DNAH2: variants seen among roughly 807,000 people sequenced by gnomAD.
The protein encoded by DNAH2 is dynein axonemal heavy chain 2.
In DNAH2, 323 loss-of-function variants were observed where a neutral mutation model predicts 523.5. The observed-to-expected ratio is 0.62, with a 90% CI of 0.56 to 0.68. The LOEUF (loss-of-function observed/expected upper bound fraction) is 0.68. DNAH2 is among the 30% of genes least tolerant of loss of function. DNAH2 has a pLI of 0.00. For missense variants in DNAH2, 4,907 were observed against 5,701.5 expected, an observed-to-expected ratio of 0.86 and a Z score of 4.49; for synonymous variants, 2,093 against 2,177.4, an observed-to-expected ratio of 0.96 and a Z score of 1.08.
At position 7,740,962 on chromosome 17, in the gene DNAH2, C is replaced by A; in HGVS notation, c.1659C>A (p.Ile553=). 3 of 1,606,744 alleles carry A rather than the reference C, an allele frequency of 1.9e-6. No individual in the cohort carries two copies. The highest frequency in any genetic ancestry group is 1.7e-4 in the Middle Eastern group (1 of 5,804). The change falls in exon 11 of 86, where the codon ATC becomes ATA. Residue 553 remains isoleucine (I), a synonymous_variant. Transcript: ENST00000572933. The part of the protein sequence containing the change: ...QYSGKARWVH[I]LRRRIDRVMT... ...CCGGAAAGGCGCGCTGGGTGCACATCCTCCGGCGTCGCATCGACAGAGTCA... is the reference window on the plus strand; with the variant it reads ...CCGGAAAGGCGCGCTGGGTGCACATACTCCGGCGTCGCATCGACAGAGTCA...
intron 72 of DNAH2, among the ~76,000 whole-genome samples, chr17:7,819,977 A>G (rs1444636301): frequency 6.6e-6 from 1 of 152,062 alleles, no homozygotes; most frequent in Admixed American, 6.6e-5. Flanking sequence ...TTTATTTTTT[A>G]TAATTTTTAT....
chr17:7,760,242 C>T lies in DNAH2; in HGVS notation c.2785+304C>T, dbSNP rs556555194. Among the ~76,000 whole-genome samples, 2 of 152,214 alleles carry T rather than the reference C, an allele frequency of 1.3e-5. No individual in the cohort carries two copies. Among genetic ancestry groups the T allele is most frequent in the East Asian group, 3.9e-4 (2 of 5,180 alleles). On this transcript the variant is annotated intron_variant, in intron 17 of 85. Transcript: ENST00000572933. The surrounding 1 kb of genome is among the most constrained non-coding windows in gnomAD (Gnocchi z 4.0). ...AATTAGCCAGGCATGGTGGCGGGTG[C>T]CTATAATCCCAACTACTCAGGAGGC...
At chr17:7,791,455 GT>G (rs2076895123) in intron 44 of DNAH2, among the ~76,000 whole-genome samples, 1 of 152,116 alleles carries the variant, frequency 6.6e-6, no homozygotes, top group Non-Finnish European at 1.5e-5. Context: ...TTTGAGTTCT[GT>G]ATTACTACAC....
At chr17:7,762,808 C>T (rs1428202715) in intron 18 of DNAH2, among the ~76,000 whole-genome samples, 1 of 151,922 alleles carries the variant, frequency 6.6e-6, no homozygotes, top group African/African-American at 2.4e-5. Context: ...GCTGTAGCAG[C>T]CAAGTGAATT....
In DNAH2 at chr17:7,734,475, A is replaced by G. The variant is rs753063065; in HGVS notation, c.745A>G (p.Met249Val). 9 of 1,613,834 alleles carry G rather than the reference A, an allele frequency of 5.6e-6. No individual in the cohort carries two copies. The highest frequency in any genetic ancestry group is 3.3e-5 in the South Asian group (3 of 91,062). Residue 249 changes from methionine (M) to valine (V), a missense_variant, in exon 7 of 86, where the codon ATG (methionine) becomes GTG (valine). By Grantham distance (21) the Met-to-Val change is conservative. Around this residue, in one of 3 missense-constraint regions of DNAH2, gnomAD observed 2,806 missense variants for 3,190.8 expected, o/e 0.88. Transcript: ENST00000572933. The part of the protein sequence containing the change: ...KELVQRLETS[M>V]IHWTRQIKEM... ...TTTTGTACTCTCCCCTGCAGCCTCC[A>G]TGATCCACTGGACCCGGCAGATAAA... is the stretch of plus-strand genomic sequence containing the variant.
At chr17:7,806,745 A>T (rs1018221670) in intron 61 of DNAH2, among the ~76,000 whole-genome samples, 1 of 151,718 alleles carries the variant, frequency 6.6e-6, no homozygotes, top group African/African-American at 2.4e-5. Flanking sequence ...GAGGGGAACA[A>T]GAATCAGAAA....
At chr17:7,829,758 C>T (rs2078116424) in intron 77 of DNAH2, among the ~76,000 whole-genome samples, 1 of 151,898 alleles carries the variant, frequency 6.6e-6, no homozygotes, top group South Asian at 2.1e-4. Context: ...GGTGCGGTGG[C>T]TCACACCTGT....
rs2077868319 is a variant in DNAH2, at chr17:7,822,000, C to T, written c.11142+631C>T. On this transcript the variant is annotated intron_variant, in intron 73 of 85. Coordinates refer to ENST00000572933, the MANE Select transcript of DNAH2 (RefSeq NM_020877.5). This position sits in a 1 kb window ranked among gnomAD's most constrained non-coding sequence, Gnocchi z 5.0. ...ACACAGCAACCAGAGAGGTCCCACTCTGTCACTCACTGTGGCTGGACCGCA... is the reference window on the plus strand; with the variant it reads ...ACACAGCAACCAGAGAGGTCCCACTTTGTCACTCACTGTGGCTGGACCGCA... 6.6e-6 allele frequency among the ~76,000 whole-genome samples: 1 copy of T among 152,140 alleles called. No individual in the cohort carries two copies. Among genetic ancestry groups the T allele is most frequent in the African/African-American group, 2.4e-5 (1 of 41,442 alleles).
chr17:7,816,329 G>C (rs947756953), intron 63 of DNAH2, among the ~76,000 whole-genome samples: 11 of 152,148 alleles, frequency 7.2e-5, no homozygotes, highest in Admixed American at 4.6e-4. Context: ...CTGGGCTCTA[G>C]GAAAGGGTGG....
intron 12 of DNAH2, among the ~76,000 whole-genome samples, chr17:7,749,308 C>A (rs1391797902): frequency 0.053 from 947 of 17,736 alleles, 306 homozygotes; most frequent in South Asian, 0.12. Context: ...AACTCCCCCC[C>A]AAAAAAAAAA....
At chr17:7,804,552 A>C in intron 59 of DNAH2, 86 bp downstream of exon 59, 2 of 1,477,296 alleles carry the variant, frequency 1.4e-6, no homozygotes, top group Non-Finnish European at 1.8e-6. Context: ...CCCTTCTTAA[A>C]TTTTCTTTAG....
chr17:7,799,822 T>TAC (rs143959847), intron 56 of DNAH2, among the ~76,000 whole-genome samples: 192 of 150,508 alleles, frequency 1.3e-3, no homozygotes, highest in African/African-American at 2.7e-3. Flanking sequence ...TGTCTCAAAA[T>TAC]ACACACACAC....
rs2075786001 is a variant in DNAH2 at position 7,754,668 on chromosome 17, C to T, written c.1905-2423C>T. 2.3e-5 allele frequency: 30 copies of T among 1,330,406 alleles called. No homozygotes were observed. Among genetic ancestry groups the T allele is most frequent in the Non-Finnish European group, 3.1e-5 (29 of 939,620 alleles). 82.4% of individuals were successfully genotyped at this position (1,330,406 alleles called of 1,614,324 possible). A position where few individuals can be genotyped will look rare whatever the true frequency, so the allele number is the denominator to read the frequency against. On this transcript the variant is annotated intron_variant, in intron 12 of 85. Coordinates refer to ENST00000572933, the MANE Select transcript of DNAH2 (RefSeq NM_020877.5). The surrounding 1 kb of genome is among the most constrained non-coding windows in gnomAD (Gnocchi z 4.6). ...AAAGGGTGTCAGCCATAAACTTGAT[C>T]GACTTGCCTACATTGCCCACCCCAA...
intron 18 of DNAH2, among the ~76,000 whole-genome samples, chr17:7,762,629 C>T (rs371161932): frequency 4.6e-5 from 7 of 152,122 alleles, no homozygotes; most frequent in East Asian, 1.9e-4. Context: ...CCACCAAGCC[C>T]GGCCGACTTT....
At chr17:7,740,347 G>T in intron 9 of DNAH2, 73 bp from the exon 10 acceptor site, 1 of 1,592,914 alleles carries the variant, frequency 6.3e-7, no homozygotes, top group South Asian at 1.2e-5. Context: ...CAATGCATGG[G>T]ATTCTTCCTC....
At chr17:7,733,367 A>G (rs780299896) in intron 5 of DNAH2, 52 bp downstream of exon 5, 18 of 1,576,278 alleles carry the variant, frequency 1.1e-5, no homozygotes, top group Non-Finnish European at 1.4e-5. Flanking sequence ...CCCCAACTGT[A>G]CAACTAGTGA....
Position 7,759,053 on chromosome 17 carries a change from A to G in DNAH2, c.2377A>G (p.Met793Val), listed in dbSNP as rs756572022. The G allele has an allele frequency of 6.2e-7, 1 of 1,614,182 alleles. No individual in the cohort carries two copies. Among genetic ancestry groups the G allele is most frequent in the South Asian group, 1.1e-5 (1 of 91,086 alleles). Residue 793 changes from methionine (M) to valine (V), a missense_variant, in exon 15 of 86, where the codon ATG becomes GTG. Coordinates refer to ENST00000572933, the MANE Select transcript of DNAH2 (RefSeq NM_020877.5). ...TCGGGCAGCTGTACAGCAGAAATTG[A>G]TGAACCTGCACCAGGATGTGGTGAC... The part of the protein sequence containing the change: ...EHRAAVQQKL[M>V]NLHQDVVTIM...
At position 7,799,181 on chromosome 17, in the gene DNAH2, GA is replaced by G. The variant is rs1227665707; in HGVS notation, c.8640del (p.Glu2880AspfsTer31). On this transcript the variant is annotated frameshift_variant, in exon 56 of 86. Coordinates refer to ENST00000572933, the MANE Select transcript of DNAH2 (RefSeq NM_020877.5). LOFTEE classifies it high-confidence loss of function. ...GGACAGCCTCTTCGCCTACCTCATT[GA>G]ACGCGTGCAGAACAACCTGCACATC... ...SSDSLFAYLIERVQNNLHIVL... is the reference protein window; with the variant it reads ...SSDSLFAYLIXRVQNNLHIVL... 2 of 1,614,210 alleles carry G rather than the reference GA, an allele frequency of 1.2e-6. No individual in the cohort carries two copies. The highest frequency in any genetic ancestry group is 2.2e-5 in the South Asian group (2 of 91,088).
chr17:7,734,242 A>G lies in DNAH2; in HGVS notation c.688A>G (p.Met230Val). The G allele has an allele frequency of 2.5e-6, 4 of 1,607,502 alleles. No individual in the cohort carries two copies. The highest frequency in any genetic ancestry group is 2.7e-5 in the African/African-American group (2 of 74,968). The change falls in exon 6 of 86, where the codon ATG becomes GTG. Residue 230 changes from methionine to valine, a missense_variant. Met to Val is a conservative substitution (Grantham distance 21). Coordinates refer to ENST00000572933, the MANE Select transcript of DNAH2 (RefSeq NM_020877.5). ...CTACATCCCTGCAGAGGCCATGAAC[A>G]TGAAGCCTGAGATGGTGATAAAGGA... ...VLYIPAEAMN[M>V]KPEMVIKDKE... is the part of the protein sequence containing the mutation.
Sources: gnomAD v4.1 joint callset for allele counts (sites outside exome capture counted in the v4.1 genomes callset) on GRCh38, gnomAD v4.1.1 for gene constraint, gnomAD v4.1.1 regional missense constraint, Gnocchi (gnomAD v3.1) non-coding constraint, MANE v1.5 for transcripts, NCBI Gene and HGNC (gene_info 2026-07-23, HGNC 2026-07-21) for gene names.